The following TENM2 variants were observed in gnomAD, a reference collection of about 807,000 sequenced individuals.
The protein encoded by TENM2 is teneurin transmembrane protein 2.
Under a neutral mutation model 245.2 loss-of-function variants are expected in TENM2, and 52 were observed. That is an observed-to-expected ratio of 0.21 (90% confidence interval 0.17 to 0.27). The LOEUF is 0.27. Ranked by LOEUF, TENM2 falls within the 10% of genes least tolerant of loss-of-function variation. The probability of loss-of-function intolerance (pLI) is 1.00; values close to 1 mark genes in which losing one functional copy is unlikely to be tolerated. For synonymous variants in TENM2, 1,363 were observed against 1,438.9 expected, an observed-to-expected ratio of 0.95 and a Z score of 1.19; for missense variants, 3,046 against 3,666.8, an observed-to-expected ratio of 0.83 and a Z score of 4.37.
chr5:168,090,218 C>CCACA (rs3083413), intron 7 of TENM2, among the ~76,000 whole-genome samples: 8,239 of 136,650 alleles, frequency 0.06, 317 homozygotes, highest in Admixed American at 0.13. Context: ...ACTCCCCCCA[C>CCACA]CACACACACA....
At chr5:167,446,052 G>A (rs1469602107) in intron 2 of TENM2, among the ~76,000 whole-genome samples, 1 of 152,064 alleles carries the variant, frequency 6.6e-6, no homozygotes, top group Non-Finnish European at 1.5e-5. Context: ...GCAATGGGAG[G>A]GAAGCTACTC....
intron 3 of TENM2, among the ~76,000 whole-genome samples, chr5:167,892,093 T>G (rs186084435): frequency 6.6e-6 from 1 of 152,364 alleles, no homozygotes; most frequent in African/African-American, 2.4e-5. Context: ...TATTCTTGAT[T>G]GTAATATAGC....
intron 7 of TENM2, among the ~76,000 whole-genome samples, chr5:168,066,574 A>G (rs1174612477): frequency 6.6e-6 from 1 of 152,196 alleles, no homozygotes; most frequent in African/African-American, 2.4e-5. Flanking sequence ...TTACTTGAAC[A>G]CTTGCATAAA....
chr5:167,903,274 G>A (rs1209033545), intron 3 of TENM2, among the ~76,000 whole-genome samples: 1 of 152,068 alleles, frequency 6.6e-6, no homozygotes, highest in Non-Finnish European at 1.5e-5. Context: ...GAGCTCAAGA[G>A]TACCCAAGAA....
chr5:168,111,829 GTACT>G (rs1391223536), intron 9 of TENM2, among the ~76,000 whole-genome samples: 1 of 152,054 alleles, frequency 6.6e-6, no homozygotes, highest in Non-Finnish European at 1.5e-5. Context: ...ATTTTTATCT[GTACT>G]TACTTAATTT....
At chr5:167,408,657 T>G (rs1762751992) in intron 2 of TENM2, among the ~76,000 whole-genome samples, 1 of 151,916 alleles carries the variant, frequency 6.6e-6, no homozygotes, top group Admixed American at 6.6e-5. Context: ...TGAAATTCAG[T>G]CTTTAGTTAA....
the TENM2 span, among the ~76,000 whole-genome samples, chr5:167,180,658 A>G: frequency 6.6e-6 from 1 of 152,192 alleles, no homozygotes; most frequent in Non-Finnish European, 1.5e-5. Context: ...GTAGTCAATT[A>G]ACACAGGTTT....
intron 1 of TENM2, among the ~76,000 whole-genome samples, chr5:167,321,724 T>G (rs2127771721): frequency 6.6e-6 from 1 of 151,332 alleles, no homozygotes; most frequent in South Asian, 2.1e-4. Context: ...AAACTTTTCT[T>G]TGTTTATTTC....
At chr5:168,080,117 T>C (rs906564982) in intron 7 of TENM2, among the ~76,000 whole-genome samples, 1 of 152,236 alleles carries the variant, frequency 6.6e-6, no homozygotes, top group Non-Finnish European at 1.5e-5. Context: ...AGCCTGTTAT[T>C]GTTCTATTCA....
At chr5:167,575,670 C>A (rs1328755349) in intron 2 of TENM2, among the ~76,000 whole-genome samples, 1 of 152,102 alleles carries the variant, frequency 6.6e-6, no homozygotes, top group African/African-American at 2.4e-5. Flanking sequence ...CCCTGGGAAG[C>A]CCCTGATACA....
intron 2 of TENM2, among the ~76,000 whole-genome samples, chr5:167,451,862 A>G (rs1227185860): frequency 1.3e-5 from 2 of 151,972 alleles, no homozygotes; most frequent in East Asian, 1.9e-4. Context: ...TGTTAGCCAG[A>G]ATGGTCTCAA....
intron 7 of TENM2, among the ~76,000 whole-genome samples, chr5:168,063,219 C>T (rs1790198128): frequency 6.6e-6 from 1 of 152,146 alleles, no homozygotes; most frequent in Non-Finnish European, 1.5e-5. Flanking sequence ...AGATGTTTCT[C>T]TGTGGCTCCC....
intron 2 of TENM2, among the ~76,000 whole-genome samples, chr5:167,558,935 C>T (rs1429961114): frequency 6.6e-6 from 1 of 151,760 alleles, no homozygotes; most frequent in Non-Finnish European, 1.5e-5. Context: ...CAGTAAAAAT[C>T]ATCAAGGTAT....
At chr5:167,433,992 C>G (rs1485106036) in intron 2 of TENM2, among the ~76,000 whole-genome samples, 2 of 151,968 alleles carry the variant, frequency 1.3e-5, no homozygotes, top group Non-Finnish European at 2.9e-5. Flanking sequence ...TGTTGAGATC[C>G]TTTAGCTTCT....
chr5:167,562,945 G>A (rs1356322566), intron 2 of TENM2, among the ~76,000 whole-genome samples: 3 of 130,304 alleles, frequency 2.3e-5, no homozygotes, highest in Non-Finnish European at 4.7e-5. Context: ...CAACAAGAGC[G>A]AAATTCTGTC....
intron 25 of TENM2, among the ~76,000 whole-genome samples, chr5:168,230,069 T>C (rs1239987476): frequency 6.6e-6 from 1 of 152,196 alleles, no homozygotes; most frequent in Non-Finnish European, 1.5e-5. Context: ...TAATCCCAAC[T>C]CCAAATATTA....
intron 2 of TENM2, among the ~76,000 whole-genome samples, chr5:167,866,923 G>A (rs73370984): frequency 6.6e-6 from 1 of 152,202 alleles, no homozygotes; most frequent in Non-Finnish European, 1.5e-5. Flanking sequence ...CACATCTCAA[G>A]TGTCCAATAG....
intron 12 of TENM2, among the ~76,000 whole-genome samples, chr5:168,137,425 C>T (rs1017927265): frequency 6.6e-6 from 1 of 152,204 alleles, no homozygotes; most frequent in Non-Finnish European, 1.5e-5. Context: ...TGGGGGAGTC[C>T]CCAAGATTAC....
intron 1 of TENM2, among the ~76,000 whole-genome samples, chr5:167,353,444 C>G (rs947839759): frequency 3.3e-5 from 5 of 150,172 alleles, no homozygotes; most frequent in Admixed American, 3.3e-4. Context: ...TTGGGTCCGT[C>G]CAAGTGACCA....
Sources: allele counts gnomAD v4.1 joint callset (sites outside exome capture counted in the v4.1 genomes callset), GRCh38; gene constraint gnomAD v4.1.1; transcripts MANE v1.5; gene names NCBI Gene and HGNC (gene_info 2026-07-23, HGNC 2026-07-21).